Variants in EHBP1 observed in about 807,000 individuals in gnomAD.
EHBP1 encodes EH domain-binding protein 1.
Under a neutral mutation model 144.0 loss-of-function variants are expected in EHBP1, and 55 were observed. The ratio of observed to expected loss-of-function variants is 0.38; its 90% confidence interval spans 0.31 to 0.48. The LOEUF (loss-of-function observed/expected upper bound fraction) is 0.48, where lower values mean the gene tolerates loss of function less well. EHBP1 is among the 20% of genes least tolerant of loss of function. The probability of loss-of-function intolerance (pLI) is 0.98; values close to 1 mark genes in which losing one functional copy is unlikely to be tolerated. For synonymous variants in EHBP1, 469 were observed against 472.7 expected (o/e 0.99, Z 0.10); for missense variants, 1,200 against 1,364.2 (o/e 0.88, Z 1.90).
At chr2:62,689,928 T>A (rs144952305) in intron 1 of EHBP1, among the ~76,000 whole-genome samples, 23 of 152,372 alleles carry the variant, frequency 1.5e-4, no homozygotes, top group African/African-American at 5.5e-4. Context: ...AAAAGAGTTA[T>A]CAGGCTTTGT....
chr2:63,003,773 G>T (rs985582886), intron 19 of EHBP1, among the ~76,000 whole-genome samples: 2 of 152,070 alleles, frequency 1.3e-5, no homozygotes, highest in African/African-American at 4.8e-5. Context: ...TCCAGAGGTG[G>T]TGCTTACTTA....
rs1362317651 is a variant in EHBP1, at chr2:62,948,809, T to C, written c.1963T>C (p.Leu655=). Residue 655 remains leucine (L), a synonymous_variant, in exon 13 of 23, where the codon TTG becomes CTG. Coordinates refer to ENST00000431489, the MANE Select transcript of EHBP1 (RefSeq NM_001142616.3). ...GGTTTTGTTAGGCAAAAAGAGACTA[T>C]TGAAAGCTGAGACTTTAGAATTGAG... ...AQVLLGKKRL[L]KAETLELSDL... The C allele has an allele frequency of 1.2e-6, 2 of 1,614,026 alleles. No homozygotes were observed. Among genetic ancestry groups the C allele is most frequent in the Non-Finnish European group, 1.7e-6 (2 of 1,180,006 alleles).
At chr2:62,891,559 CA>C (rs2052461893) in intron 10 of EHBP1, among the ~76,000 whole-genome samples, 1 of 152,082 alleles carries the variant, frequency 6.6e-6, no homozygotes, top group Non-Finnish European at 1.5e-5. Flanking sequence ...GAGTTTTGGA[CA>C]TACTTTTATT....
intron 19 of EHBP1, among the ~76,000 whole-genome samples, chr2:63,034,455 G>A (rs2061380897): frequency 6.6e-6 from 1 of 151,994 alleles, no homozygotes; most frequent in African/African-American, 2.4e-5. Flanking sequence ...AAAAGAGGTA[G>A]TTAACCAGGT....
At chr2:62,987,865 A>T in intron 15 of EHBP1, 1 of 861,748 alleles carries the variant, frequency 1.2e-6, no homozygotes. Context: ...TTTCTTCTTT[A>T]GTGTTTTGGA....
chr2:62,909,051 G>A (rs1003180325), intron 10 of EHBP1, among the ~76,000 whole-genome samples: 9 of 152,232 alleles, frequency 5.9e-5, no homozygotes, highest in Admixed American at 2.6e-4. Flanking sequence ...AGGAAATCAT[G>A]TGTGAATAAA....
intron 7 of EHBP1, among the ~76,000 whole-genome samples, chr2:62,858,938 A>G (rs1479477379): frequency 1.3e-5 from 2 of 152,192 alleles, no homozygotes; most frequent in African/African-American, 4.8e-5. Flanking sequence ...TCTTTAGTAC[A>G]GTTCATTATC....
rs200622482 is a variant in EHBP1, at chr2:62,912,512, G to A, written c.1186-30206G>A. Among the ~76,000 whole-genome samples the A allele has an allele frequency of 4.6e-5, 7 of 152,112 alleles. No homozygotes were observed. In the East Asian group the frequency reaches 7.7e-4, roughly 17 times the overall value. On this transcript the variant is annotated intron_variant, in intron 10 of 22. Transcript: ENST00000431489. ...AGTTGCAGTGAGCCAAAATTGTGTC[G>A]CTGCACTCCAGCCTGAGCAACAGAG...
rs556715272 is a variant in EHBP1, at chr2:62,940,312, T to G, written c.1186-2406T>G. The G allele has an allele frequency of 3.3e-5, 8 of 240,616 alleles. No homozygotes were observed. In the South Asian group the frequency reaches 5.3e-4, roughly 16 times the overall value. 14.9% of individuals were successfully genotyped at this position (240,616 alleles called of 1,614,324 possible). On this transcript the variant is annotated intron_variant, in intron 10 of 22. Coordinates refer to ENST00000431489, the MANE Select transcript of EHBP1 (RefSeq NM_001142616.3). ...AGGTCAGCTATTTTAATAAATTGATTATCAGTTGTTTTTTTCTTTTTAAGA... is the reference window on the plus strand; with the variant it reads ...AGGTCAGCTATTTTAATAAATTGATGATCAGTTGTTTTTTTCTTTTTAAGA...
rs1353878204 is a variant in EHBP1, at chr2:62,835,645, C to G, written c.634+4487C>G. 3.3e-5 allele frequency among the ~76,000 whole-genome samples: 5 copies of G among 152,174 alleles called. No homozygotes were observed. The South Asian group carries it at 1.0e-3, about 32-fold the overall frequency. ...GGCCAGTGGGTGCGCGCACCGTGCG[C>G]GAGCCGAAGCAGGGCGAGGCATTGC... is the stretch of plus-strand genomic sequence containing the variant. On this transcript the variant is annotated intron_variant, in intron 7 of 22. Coordinates refer to ENST00000431489, the MANE Select transcript of EHBP1 (RefSeq NM_001142616.3).
chr2:62,865,039 A>T (rs1011611158), intron 9 of EHBP1, 68 bp downstream of exon 9: 74 of 1,526,308 alleles, frequency 4.8e-5, no homozygotes, highest in Non-Finnish European at 6.3e-5. Context: ...TCCTTTTGTA[A>T]TGTACCTTTA....
At chr2:62,774,858 C>CA (rs1044076356) in intron 5 of EHBP1, among the ~76,000 whole-genome samples, 4 of 151,128 alleles carry the variant, frequency 2.6e-5, no homozygotes, top group African/African-American at 9.7e-5. Context: ...CAAAACAAAA[C>CA]AAAAAAAACC....
At chr2:62,768,665 T>G (rs946399198) in intron 4 of EHBP1, among the ~76,000 whole-genome samples, 2 of 152,212 alleles carry the variant, frequency 1.3e-5, no homozygotes, top group African/African-American at 4.8e-5. Context: ...CAACTCATTC[T>G]ATGAGGTCAG....
chr2:62,796,498 C>T (rs1000994842), intron 5 of EHBP1, among the ~76,000 whole-genome samples: 2 of 152,144 alleles, frequency 1.3e-5, no homozygotes, highest in African/African-American at 4.8e-5. Flanking sequence ...TAACCATATA[C>T]ATGGATACTT....
intron 5 of EHBP1, among the ~76,000 whole-genome samples, chr2:62,801,739 ATATT>A (rs1465127309): frequency 6.6e-6 from 1 of 152,234 alleles, no homozygotes; most frequent in Non-Finnish European, 1.5e-5. Flanking sequence ...TAGAGTTTGT[ATATT>A]TAAATTTCAC....
chr2:62,757,933 A>G (rs955333800), intron 3 of EHBP1, among the ~76,000 whole-genome samples: 3 of 151,402 alleles, frequency 2.0e-5, no homozygotes, highest in African/African-American at 2.4e-5. Context: ...AATGGCGTGA[A>G]CCCAGGAGGC....
chr2:62,947,128 T>C (rs2057115804), intron 12 of EHBP1, among the ~76,000 whole-genome samples: 1 of 152,184 alleles, frequency 6.6e-6, no homozygotes, highest in African/African-American at 2.4e-5. Context: ...AAACCAAGCC[T>C]ATACATGCAC....
chr2:62,684,938 G>A (rs2033668762), intron 1 of EHBP1, among the ~76,000 whole-genome samples: 1 of 152,182 alleles, frequency 6.6e-6, no homozygotes, highest in Admixed American at 6.5e-5. Context: ...GTCTGAGATG[G>A]ACTCACTTAT....
At chr2:62,694,764 G>C (rs1402541109) in intron 1 of EHBP1, among the ~76,000 whole-genome samples, 1 of 152,130 alleles carries the variant, frequency 6.6e-6, no homozygotes, top group Non-Finnish European at 1.5e-5. Flanking sequence ...TCATCTCCTG[G>C]CTTCCTCTGT....
Sources: allele counts gnomAD v4.1 joint callset (sites outside exome capture counted in the v4.1 genomes callset), GRCh38; gene constraint gnomAD v4.1.1; transcripts MANE v1.5; gene names NCBI Gene and HGNC (gene_info 2026-07-23, HGNC 2026-07-21).